Variants in AGBL1 observed in about 807,000 individuals in gnomAD.
AGBL1 encodes AGBL carboxypeptidase 1, also known as cytosolic carboxypeptidase 4.
A neutral mutation model predicts 118.9 loss-of-function variants in AGBL1; 130 were observed. The observed-to-expected ratio is 1.09, with a 90% CI of 0.95 to 1.26. The LOEUF (loss-of-function observed/expected upper bound fraction) is 1.26. AGBL1 is among the 50% of genes most tolerant of loss of function. AGBL1 has a pLI of 0.00. For synonymous variants in AGBL1, 555 were observed against 478.9 expected (o/e 1.16, Z -2.08); for missense variants, 1,584 against 1,298.1 (o/e 1.22, Z -3.38).
intron 5 of AGBL1, among the ~76,000 whole-genome samples, chr15:86,163,872 CT>C (rs1384932217): frequency 3.3e-5 from 5 of 152,150 alleles, no homozygotes; most frequent in Non-Finnish European, 7.3e-5. Context: ...TATTTGTTAC[CT>C]TTTTTCCCCC....
intron 15 of AGBL1, among the ~76,000 whole-genome samples, chr15:86,275,876 T>C (rs900276125): frequency 6.6e-6 from 1 of 152,208 alleles, no homozygotes; most frequent in Non-Finnish European, 1.5e-5. Flanking sequence ...CACCACTCAT[T>C]AATGGCGTGA....
intron 5 of AGBL1, among the ~76,000 whole-genome samples, chr15:86,214,364 T>C (rs944399690): frequency 1.3e-5 from 2 of 152,232 alleles, no homozygotes; most frequent in Non-Finnish European, 2.9e-5. Flanking sequence ...AATATTCTAT[T>C]GTAGTCAAAT....
intron 22 of AGBL1, among the ~76,000 whole-genome samples, chr15:86,900,702 T>C (rs908322743): frequency 6.6e-6 from 1 of 151,910 alleles, no homozygotes; most frequent in African/African-American, 2.4e-5. Context: ...AATGCTAGAA[T>C]GAACTTCCTG....
chr15:86,607,275 G>A (rs971882663), intron 21 of AGBL1, among the ~76,000 whole-genome samples: 1 of 152,154 alleles, frequency 6.6e-6, no homozygotes, highest in African/African-American at 2.4e-5. Flanking sequence ...TCTGGGGATT[G>A]GAAGCCAATT....
intron 21 of AGBL1, among the ~76,000 whole-genome samples, chr15:86,565,064 C>A (rs982170338): frequency 1.3e-5 from 2 of 152,200 alleles, no homozygotes; most frequent in African/African-American, 2.4e-5. Context: ...AGCTTCTTTG[C>A]GATGGGTTTG....
chr15:86,739,814 G>C (rs1244894581), intron 22 of AGBL1, among the ~76,000 whole-genome samples: 1 of 152,184 alleles, frequency 6.6e-6, no homozygotes, highest in Non-Finnish European at 1.5e-5. Flanking sequence ...GGATGGCAGA[G>C]AGGACTGGAT....
chr15:86,725,535 A>G (rs1250976761), intron 22 of AGBL1, among the ~76,000 whole-genome samples: 2 of 152,238 alleles, frequency 1.3e-5, no homozygotes, highest in African/African-American at 4.8e-5. Context: ...CCAATGTAGT[A>G]TCAGCAGACA....
At chr15:86,786,299 G>T (rs1423201060) in intron 22 of AGBL1, among the ~76,000 whole-genome samples, 2 of 151,644 alleles carry the variant, frequency 1.3e-5, no homozygotes, top group Non-Finnish European at 2.9e-5. Flanking sequence ...ATGTTCCCCT[G>T]ATTCTTCCGG....
At chr15:86,332,003 C>T (rs1268353857) in intron 17 of AGBL1, among the ~76,000 whole-genome samples, 2 of 152,124 alleles carry the variant, frequency 1.3e-5, no homozygotes, top group African/African-American at 2.4e-5. Flanking sequence ...AACCAAGACC[C>T]ATCCATCTGC....
intron 9 of AGBL1, among the ~76,000 whole-genome samples, chr15:86,262,137 T>G (rs1353669688): frequency 6.9e-6 from 1 of 145,008 alleles, no homozygotes; most frequent in African/African-American, 2.5e-5. Context: ...TTATGAGTCC[T>G]CCTGAGATCT....
At chr15:86,084,822 A>G (rs1028873418) in intron 1 of AGBL1, among the ~76,000 whole-genome samples, 17 of 152,152 alleles carry the variant, frequency 1.1e-4, no homozygotes, top group African/African-American at 4.1e-4. Flanking sequence ...TCACTCATCC[A>G]CCCATTCATT....
At chr15:86,930,779 T>C (rs747994142) in intron 23 of AGBL1, among the ~76,000 whole-genome samples, 5 of 152,042 alleles carry the variant, frequency 3.3e-5, no homozygotes, top group Non-Finnish European at 7.4e-5. Flanking sequence ...ACCATAGATA[T>C]AAAGGAAAAT....
intron 19 of AGBL1, among the ~76,000 whole-genome samples, chr15:86,537,831 C>G (rs1348227718): frequency 1.3e-5 from 2 of 152,128 alleles, no homozygotes; most frequent in African/African-American, 2.4e-5. Context: ...ACTTCTTATA[C>G]TGATTATAGA....
chr15:86,872,889 C>G (rs780253030), intron 22 of AGBL1, among the ~76,000 whole-genome samples: 4 of 152,142 alleles, frequency 2.6e-5, no homozygotes, highest in Non-Finnish European at 4.4e-5. Flanking sequence ...TATACACAGC[C>G]AATGTGAAGA....
chr15:86,880,093 A>C (rs1023450679), intron 22 of AGBL1, among the ~76,000 whole-genome samples: 2 of 152,224 alleles, frequency 1.3e-5, no homozygotes, highest in African/African-American at 4.8e-5. Flanking sequence ...TCAGAGAAGA[A>C]ATCCAGAGCC....
chr15:86,782,181 T>C (rs112877130), intron 22 of AGBL1, among the ~76,000 whole-genome samples: 60 of 152,306 alleles, frequency 3.9e-4, no homozygotes, highest in African/African-American at 1.4e-3. Context: ...TTTAAATAAT[T>C]AGAGCCTTAA....
chr15:86,483,456 G>A (rs756642006), intron 18 of AGBL1, among the ~76,000 whole-genome samples: 1 of 152,102 alleles, frequency 6.6e-6, no homozygotes, highest in Non-Finnish European at 1.5e-5. Flanking sequence ...AGTTAGCGAG[G>A]GAGGAGGTAT....
chr15:87,025,079 A>T (rs956480309), intron 24 of AGBL1, among the ~76,000 whole-genome samples: 2 of 152,076 alleles, frequency 1.3e-5, no homozygotes, highest in Admixed American at 6.6e-5. Flanking sequence ...CAAGTCAATG[A>T]TGGCCACTCT....
intron 18 of AGBL1, among the ~76,000 whole-genome samples, chr15:86,442,322 A>G (rs1452221333): frequency 6.6e-6 from 1 of 152,206 alleles, no homozygotes; most frequent in African/African-American, 2.4e-5. Context: ...GAGCCTCTGA[A>G]TCAGACAGAG....
Sources: gnomAD v4.1 joint callset for allele counts (sites outside exome capture counted in the v4.1 genomes callset) on GRCh38, gnomAD v4.1.1 for gene constraint, MANE v1.5 for transcripts, NCBI Gene and HGNC (gene_info 2026-07-23, HGNC 2026-07-21) for gene names.